The following GCNT2 variants were observed in gnomAD, a reference collection of about 807,000 sequenced individuals.
The protein encoded by GCNT2 is glucosaminyl (N-acetyl) transferase 2 (I blood group), also known as N-acetyllactosaminide beta-1,6-N-acetylglucosaminyl-transferase.
A neutral mutation model predicts 34.2 loss-of-function variants in GCNT2; 34 were observed. That is an observed-to-expected ratio of 1.00 (90% CI 0.76 to 1.32). The LOEUF is 1.32. GCNT2 is among the 40% of genes most tolerant of loss of function. The probability of loss-of-function intolerance (pLI) is 0.00; values close to 1 mark genes in which losing one functional copy is unlikely to be tolerated. For missense variants in GCNT2, 584 were observed against 489.4 expected (o/e 1.19, Z -1.82); for synonymous variants, 212 against 188.0 (o/e 1.13, Z -1.04).
intron 3 of GCNT2, among the ~76,000 whole-genome samples, chr6:10,555,385 C>T (rs1762649531): frequency 6.6e-6 from 1 of 152,006 alleles, no homozygotes; most frequent in African/African-American, 2.4e-5. Flanking sequence ...ATAAAAACAC[C>T]CACTTCCTAG....
rs200377449 is a variant in GCNT2, at chr6:10,612,083, T to C, written c.926-9268T>C. On this transcript the variant is annotated intron_variant, in intron 3 of 4. Coordinates refer to ENST00000495262, the MANE Select transcript of GCNT2 (RefSeq NM_145649.5). ...CTCACTGCAACCTCTGCCTCCTGGG[T>C]TGGAGCAATTCTCCTGCCTCAGCCT... 2.0e-5 allele frequency among the ~76,000 whole-genome samples: 3 copies of C among 152,060 alleles called. No individual in the cohort carries two copies. The East Asian group carries it at 5.8e-4, about 29-fold the overall frequency.
At chr6:10,618,630 G>C (rs188443304) in intron 3 of GCNT2, among the ~76,000 whole-genome samples, 2 of 152,086 alleles carry the variant, frequency 1.3e-5, no homozygotes, top group Non-Finnish European at 2.9e-5. Context: ...CACAAATGTC[G>C]GTAAATAAGC....
At chr6:10,566,929 A>T (rs1763308556) in intron 3 of GCNT2, among the ~76,000 whole-genome samples, 1 of 152,222 alleles carries the variant, frequency 6.6e-6, no homozygotes, top group Non-Finnish European at 1.5e-5. Flanking sequence ...CCCAAGGCTC[A>T]CTAATGTTAA....
At chr6:10,548,778 T>C (rs79003486) in intron 3 of GCNT2, among the ~76,000 whole-genome samples, 1 of 152,082 alleles carries the variant, frequency 6.6e-6, no homozygotes, top group Non-Finnish European at 1.5e-5. Context: ...TTTTTTTTTT[T>C]GAGACGAAGT....
intron 3 of GCNT2, among the ~76,000 whole-genome samples, chr6:10,545,441 T>G (rs1297396399): frequency 1.3e-5 from 2 of 152,164 alleles, no homozygotes; most frequent in Non-Finnish European, 2.9e-5. Flanking sequence ...TTCCTGAGCT[T>G]GACAAACTTA....
intron 3 of GCNT2, among the ~76,000 whole-genome samples, chr6:10,544,975 A>AATAG (rs1390314894): frequency 6.6e-6 from 1 of 151,872 alleles, no homozygotes; most frequent in East Asian, 1.9e-4. Flanking sequence ...TAAATAAATA[A>AATAG]ATAAATGAGG....
intron 3 of GCNT2, among the ~76,000 whole-genome samples, chr6:10,581,257 G>A (rs2127407006): frequency 6.6e-6 from 1 of 152,124 alleles, no homozygotes; most frequent in East Asian, 1.9e-4. Flanking sequence ...TTTTATGTAT[G>A]TATTTATTTA....
chr6:10,563,656 C>T (rs566118656), intron 3 of GCNT2, among the ~76,000 whole-genome samples: 3 of 150,784 alleles, frequency 2.0e-5, no homozygotes, highest in South Asian at 2.1e-4. Flanking sequence ...GCAGGAGAAT[C>T]GCTTGAACCC....
intron 3 of GCNT2, among the ~76,000 whole-genome samples, chr6:10,584,514 C>T (rs914922730): frequency 3.3e-5 from 5 of 152,088 alleles, no homozygotes; most frequent in Non-Finnish European, 5.9e-5. Context: ...TTACGGATGT[C>T]GGGCTGGGGG....
intron 3 of GCNT2, among the ~76,000 whole-genome samples, chr6:10,607,873 G>C (rs1359032803): frequency 3.3e-5 from 5 of 152,010 alleles, no homozygotes; most frequent in African/African-American, 1.2e-4. Context: ...TTTGAGATAG[G>C]GAAACTGAGG....
At chr6:10,568,951 T>C (rs1222560342) in intron 3 of GCNT2, among the ~76,000 whole-genome samples, 1 of 152,160 alleles carries the variant, frequency 6.6e-6, no homozygotes, top group Admixed American at 6.5e-5. Flanking sequence ...CCCAATTTTA[T>C]ACCTTTATAA....
At chr6:10,523,951 T>A (rs1487060000) in intron 1 of GCNT2, among the ~76,000 whole-genome samples, 10 of 121,578 alleles carry the variant, frequency 8.2e-5, no homozygotes, top group Admixed American at 2.2e-4. Flanking sequence ...CCAGCCTGGG[T>A]GACAGAGCGA....
chr6:10,561,628 G>T (rs1294533311), intron 3 of GCNT2, among the ~76,000 whole-genome samples: 1 of 152,184 alleles, frequency 6.6e-6, no homozygotes, highest in African/African-American at 2.4e-5. Context: ...ACTTCAGGGT[G>T]GTTTCGTCTC....
Position 10,529,811 on chromosome 6 carries a change from C to G in GCNT2, c.900C>G (p.Phe300Leu). The change falls in exon 3 of 5, where the codon TTC becomes TTG. Residue 300 changes from phenylalanine (F) to leucine (L), a missense_variant. Phe to Leu is a conservative substitution (Grantham distance 22). Coordinates refer to ENST00000495262, the MANE Select transcript of GCNT2 (RefSeq NM_145649.5). ...ACACCTACAGCCCCGACGAACATTT[C>G]TGGGTGACACTCAACAGGATTCCCG... ...SKDTYSPDEHFWVTLNRIPGV... is the reference protein window; with the variant it reads ...SKDTYSPDEHLWVTLNRIPGV... The G allele has an allele frequency of 6.2e-7, 1 of 1,613,890 alleles. No individual in the cohort carries two copies. The highest frequency in any genetic ancestry group is 1.1e-5 in the South Asian group (1 of 91,084).
intron 3 of GCNT2, among the ~76,000 whole-genome samples, chr6:10,606,978 ACT>A (rs1331358976): frequency 6.6e-6 from 1 of 151,712 alleles, no homozygotes; most frequent in Non-Finnish European, 1.5e-5. Context: ...ACAGAGTCTC[ACT>A]CTGTCACCCA....
chr6:10,562,695 A>AAAC (rs1763058545), intron 3 of GCNT2, among the ~76,000 whole-genome samples: 1 of 151,842 alleles, frequency 6.6e-6, no homozygotes, highest in Non-Finnish European at 1.5e-5. Flanking sequence ...AAACCCACAA[A>AAAC]AACAAATTCC....
intron 1 of GCNT2, among the ~76,000 whole-genome samples, chr6:10,526,070 G>C (rs534271882): frequency 1.3e-5 from 2 of 152,300 alleles, no homozygotes; most frequent in South Asian, 2.1e-4. Flanking sequence ...AGGGTCTAAA[G>C]AGACGTTAAA....
At chr6:10,616,386 T>C (rs1165177723) in intron 3 of GCNT2, among the ~76,000 whole-genome samples, 1 of 152,224 alleles carries the variant, frequency 6.6e-6, no homozygotes, top group Non-Finnish European at 1.5e-5. Context: ...GAAAGCAACC[T>C]AAACAGGGTA....
chr6:10,584,702 A>T (rs184289826), intron 3 of GCNT2, among the ~76,000 whole-genome samples: 1 of 152,318 alleles, frequency 6.6e-6, no homozygotes, highest in African/African-American at 2.4e-5. Context: ...TACTGCCTGC[A>T]AACACATTTT....
Sources: allele counts gnomAD v4.1 joint callset (sites outside exome capture counted in the v4.1 genomes callset), GRCh38; gene constraint gnomAD v4.1.1; transcripts MANE v1.5; gene names NCBI Gene and HGNC (gene_info 2026-07-23, HGNC 2026-07-21).